Variants in PLCG2 observed in about 807,000 individuals in gnomAD.
PLCG2 encodes the protein phospholipase C gamma 2.
Under a neutral mutation model 175.6 loss-of-function variants are expected in PLCG2, and 69 were observed. The ratio of observed to expected loss-of-function variants is 0.39; its 90% CI spans 0.32 to 0.48. The LOEUF is 0.48. Ranked by LOEUF, PLCG2 falls within the 20% of genes least tolerant of loss-of-function variation. PLCG2 has a pLI of 0.91. For missense variants in PLCG2, 1,798 were observed against 1,650.9 expected (o/e 1.09, Z -1.54); for synonymous variants, 827 against 624.0 (o/e 1.33, Z -4.85).
intron 3 of PLCG2, among the ~76,000 whole-genome samples, chr16:81,857,332 A>G (rs1906737002): frequency 6.6e-6 from 1 of 152,230 alleles, no homozygotes; most frequent in African/African-American, 2.4e-5. Flanking sequence ...TGAATTCCTC[A>G]GCTTTTTCAT....
At chr16:81,933,709 C>T (rs1910597383) in intron 25 of PLCG2, among the ~76,000 whole-genome samples, 1 of 152,116 alleles carries the variant, frequency 6.6e-6, no homozygotes, top group African/African-American at 2.4e-5. Flanking sequence ...CCTGTGACGG[C>T]TAGAGCTAAG....
At chr16:81,865,693 G>A (rs1691378718) in intron 5 of PLCG2, among the ~76,000 whole-genome samples, 1 of 151,934 alleles carries the variant, frequency 6.6e-6, no homozygotes, top group Admixed American at 6.5e-5. Context: ...CTCCACTGGG[G>A]CACCAGCATG....
At chr16:81,844,695 C>T (rs1056886508) in intron 2 of PLCG2, among the ~76,000 whole-genome samples, 1 of 152,142 alleles carries the variant, frequency 6.6e-6, no homozygotes, top group Admixed American at 6.6e-5. Context: ...CTGGATTGTG[C>T]ATTTTGCATA....
At chr16:81,752,905 G>T (rs1003480137) in intron 1 of PLCG2, among the ~76,000 whole-genome samples, 1 of 152,232 alleles carries the variant, frequency 6.6e-6, no homozygotes, top group African/African-American at 2.4e-5. Flanking sequence ...CTGTCAACTC[G>T]GGGCTTTGGG....
At chr16:81,828,537 C>A (rs747429070) in intron 2 of PLCG2, among the ~76,000 whole-genome samples, 12 of 152,120 alleles carry the variant, frequency 7.9e-5, no homozygotes, top group Non-Finnish European at 1.6e-4. Context: ...CGCACCCGGC[C>A]GAGAAGCGTC....
intron 1 of PLCG2, chr16:81,740,299 C>T (rs1909561720): frequency 6.6e-6 from 1 of 152,216 alleles, no homozygotes; most frequent in Non-Finnish European, 1.5e-5. Context: ...AGGTACCAAC[C>T]CTGCCCTCCC....
intron 2 of PLCG2, among the ~76,000 whole-genome samples, chr16:81,761,792 C>T (rs1910046341): frequency 6.6e-6 from 1 of 150,970 alleles, no homozygotes; most frequent in Non-Finnish European, 1.5e-5. Flanking sequence ...GTATAGCAAG[C>T]ATCCATCTAG....
At chr16:81,805,212 A>G (rs536852894) in intron 2 of PLCG2, among the ~76,000 whole-genome samples, 1 of 152,272 alleles carries the variant, frequency 6.6e-6, no homozygotes, top group South Asian at 2.1e-4. Flanking sequence ...AAACTCAACA[A>G]TAAAAGGCCA....
rs1910968032 is a variant in PLCG2, at chr16:81,786,258, T to C, written c.193+76T>C. On this transcript the variant is annotated intron_variant, in intron 2 of 32. Transcript: ENST00000564138. ...CTGAGCACCTGTCCACCTTCCTGTC[T>C]TGTCATTACTGTGATTGTTGTTGGT... 3 of 1,162,564 alleles carry C rather than the reference T, an allele frequency of 2.6e-6. No individual in the cohort carries two copies. The African/African-American group carries it at 4.6e-5, about 18-fold the overall frequency. The allele number at this position is 1,162,564 out of a possible 1,614,324, so 72.0% of individuals were successfully genotyped here.
intron 2 of PLCG2, among the ~76,000 whole-genome samples, chr16:81,819,206 T>C (rs1438002881): frequency 2.0e-5 from 3 of 152,044 alleles, no homozygotes; most frequent in Admixed American, 1.3e-4. Context: ...GGGCTGCTTC[T>C]AGAGATGGAT....
In PLCG2 at chr16:81,889,261, G is replaced by A. The variant is rs1908520085; in HGVS notation, c.855G>A (p.Leu285=). The A allele has an allele frequency of 7.5e-6, 12 of 1,591,686 alleles. No homozygotes were observed. The highest frequency in any genetic ancestry group is 1.0e-5 in the Non-Finnish European group (12 of 1,164,238). ...DTMRETAEPF[L]FVDEFLTYLF... ...TGCGTGAAACTGCTGAGCCTTTCTT[G>A]TTTGTGGATGAGGTGAGTAGGCTGG... Residue 285 remains leucine, a synonymous_variant, in exon 10 of 33, where the codon TTG becomes TTA. Coordinates refer to ENST00000564138, the MANE Select transcript of PLCG2 (RefSeq NM_002661.5).
Position 81,800,942 on chromosome 16 carries a change from T to C in PLCG2, c.193+14760T>C, listed in dbSNP as rs532496488. ...ACTGGAAGATGGCACCAGCTGGCTC[T>C]GAAGATGGAGGAAGGGGCCATGAAT... On this transcript the variant is annotated intron_variant, in intron 2 of 32. Transcript: ENST00000564138. 2.0e-5 allele frequency among the ~76,000 whole-genome samples: 3 copies of C among 152,176 alleles called. No homozygotes were observed. In the South Asian group the frequency reaches 6.2e-4, roughly 32 times the overall value.
At chr16:81,882,715 C>A (rs1908146911) in intron 8 of PLCG2, among the ~76,000 whole-genome samples, 4 of 151,996 alleles carry the variant, frequency 2.6e-5, no homozygotes, top group African/African-American at 9.7e-5. Context: ...CAGGTACTCT[C>A]TGCACCTCCT....
At chr16:81,845,283 G>T (rs763172215) in intron 2 of PLCG2, among the ~76,000 whole-genome samples, 1 of 152,116 alleles carries the variant, frequency 6.6e-6, no homozygotes, top group Non-Finnish European at 1.5e-5. Flanking sequence ...GCTTGATTCA[G>T]TTGCTAACAA....
At chr16:81,743,504 T>G (rs560918101) in intron 1 of PLCG2, among the ~76,000 whole-genome samples, 2 of 152,294 alleles carry the variant, frequency 1.3e-5, no homozygotes, top group Admixed American at 1.3e-4. Context: ...GTGAGGGACA[T>G]TTCCGGAGCC....
At chr16:81,843,220 T>G (rs1431825862) in intron 2 of PLCG2, among the ~76,000 whole-genome samples, 3 of 152,172 alleles carry the variant, frequency 2.0e-5, no homozygotes, top group South Asian at 4.1e-4. Flanking sequence ...GGCAAAAATT[T>G]GAACCCATGC....
chr16:81,742,881 T>C (rs941454668), intron 1 of PLCG2, among the ~76,000 whole-genome samples: 1 of 152,232 alleles, frequency 6.6e-6, no homozygotes, highest in African/African-American at 2.4e-5. Context: ...GCTCCTCTTG[T>C]TCTTCCAGAC....
chr16:81,877,051 A>G (rs189790370), intron 7 of PLCG2, among the ~76,000 whole-genome samples: 1 of 152,186 alleles, frequency 6.6e-6, no homozygotes, highest in Non-Finnish European at 1.5e-5. Context: ...TTACTACCTG[A>G]TGGGATCAGC....
At chr16:81,924,805 C>T (rs1361702409) in intron 22 of PLCG2, among the ~76,000 whole-genome samples, 1 of 152,234 alleles carries the variant, frequency 6.6e-6, no homozygotes, top group African/African-American at 2.4e-5. Context: ...GCTGTTCCTA[C>T]TGCAGCCTCT....
Sources: gnomAD v4.1 joint callset for allele counts (sites outside exome capture counted in the v4.1 genomes callset) on GRCh38, gnomAD v4.1.1 for gene constraint, MANE v1.5 for transcripts, NCBI Gene and HGNC (gene_info 2026-07-23, HGNC 2026-07-21) for gene names.